MSN: variants seen among roughly 807,000 people sequenced by gnomAD.
The protein encoded by MSN is moesin, also known as epididymis luminal protein 70.
Under a neutral mutation model 48.0 loss-of-function variants are expected in MSN, and 2 were observed. That is an observed-to-expected ratio of 0.04 (90% CI 0.02 to 0.13). The LOEUF (loss-of-function observed/expected upper bound fraction) is 0.13. Ranked by LOEUF, MSN falls within the 10% of genes least tolerant of loss-of-function variation. The pLI is 1.00. For synonymous variants in MSN, 146 were observed against 166.9 expected (o/e 0.87, Z 0.97); for missense variants, 267 against 470.1 (o/e 0.57, Z 3.99).
In MSN at chrX:65,737,482, A is replaced by AG. The variant is rs2071689873; in HGVS notation, c.1251+145dup. The AG allele has an allele frequency of 5.6e-6, 4 of 716,391 alleles. No homozygotes were observed. In the South Asian group the frequency reaches 9.7e-5, roughly 17 times the overall value. 59.0% of individuals were successfully genotyped at this position (716,391 alleles called of 1,213,427 possible). On this transcript the variant is annotated intron_variant, in intron 10 of 12. Coordinates refer to ENST00000360270, the MANE Select transcript of MSN (RefSeq NM_002444.3). ...GCCTCCAGCAAATAACTAGTTCAGA[A>AG]GCAAGCTGAGAAGTCACTAGTGTGG... is the stretch of plus-strand genomic sequence containing the variant.
chrX:65,612,773 C>G (rs1390364521), intron 1 of MSN, among the ~76,000 whole-genome samples: 2 of 107,978 alleles, frequency 1.9e-5, no homozygotes, highest in African/African-American at 6.7e-5. Flanking sequence ...GTTAGCCAGA[C>G]TGGTCTCAAG....
chrX:65,597,371 G>GGGTCTGGCCCTATA (rs1173006877), intron 1 of MSN, among the ~76,000 whole-genome samples: 2 of 107,517 alleles, frequency 1.9e-5, no homozygotes, highest in African/African-American at 6.8e-5. Flanking sequence ...TTTTGAGACA[G>GGGTCTGGCCCTATA]GGTCTGGCCC....
At chrX:65,628,717 C>T (rs189118977) in intron 1 of MSN, among the ~76,000 whole-genome samples, 117 of 110,691 alleles carry the variant, frequency 1.1e-3, no homozygotes, top group African/African-American at 3.6e-3. Flanking sequence ...TTTTTTTCTA[C>T]TGCATCATCA....
intron 1 of MSN, among the ~76,000 whole-genome samples, chrX:65,605,126 T>C (rs1424140554): frequency 8.9e-6 from 1 of 112,435 alleles, no homozygotes; most frequent in Non-Finnish European, 1.9e-5. Flanking sequence ...CCATTTGGTT[T>C]GACCTTTCCG....
intron 5 of MSN, 118 bp downstream of exon 5, chrX:65,731,308 A>G (rs2071620038): frequency 3.3e-6 from 2 of 615,347 alleles, no homozygotes; most frequent in Non-Finnish European, 5.1e-6. Flanking sequence ...AAGAGGGAAC[A>G]GGGACGATAG....
rs2071666105 is a variant in MSN at position 65,735,448 on chromosome X, A to C, written c.959+18A>C. On this transcript the variant is annotated intron_variant, in intron 8 of 12. Transcript: ENST00000360270. ...ATGGAGCGGTAGGTGCTGCACACTG[A>C]TGTGGGGGGCCAGGGCTGGGGCAAG... 5.1e-6 allele frequency: 6 copies of C among 1,187,086 alleles called. No homozygotes were observed. In the East Asian group the frequency reaches 1.5e-4, roughly 30 times the overall value.
At chrX:65,663,172 C>T (rs1227366920), upstream of MSN, among the ~76,000 whole-genome samples, 4 of 109,176 alleles carry the variant, frequency 3.7e-5, no homozygotes, top group African/African-American at 1.3e-4. Context: ...GCAGGAAAAT[C>T]ACTTGAACCC....
intron 1 of MSN, among the ~76,000 whole-genome samples, chrX:65,660,568 CTTT>C (rs1294905291): frequency 2.1e-5 from 2 of 93,720 alleles, no homozygotes; most frequent in Non-Finnish European, 2.2e-5. Context: ...TGTTCCAGTT[CTTT>C]TTTTTTTTTT....
chrX:65,670,293 G>GCGTGT (rs1380428877), intron 1 of MSN, among the ~76,000 whole-genome samples: 1 of 111,972 alleles, frequency 8.9e-6, no homozygotes, highest in Non-Finnish European at 1.9e-5. Flanking sequence ...GCTATTTCTA[G>GCGTGT]CGTGTGACAG....
chrX:65,612,880 T>A (rs749356059), intron 1 of MSN, among the ~76,000 whole-genome samples: 90 of 105,170 alleles, frequency 8.6e-4, no homozygotes, highest in African/African-American at 2.9e-3. Context: ...GGGGGTACGA[T>A]ACAACTTTTT....
chrX:65,707,302 G>A (rs1048452759), intron 1 of MSN, among the ~76,000 whole-genome samples: 1 of 110,877 alleles, frequency 9.0e-6, no homozygotes, highest in East Asian at 2.8e-4. Context: ...GGTGTGGGAA[G>A]CGTCTATGTT....
At chrX:65,729,269 T>C (rs981540228) in intron 3 of MSN, among the ~76,000 whole-genome samples, 169 bp from the exon 4 acceptor site, 7 of 111,576 alleles carry the variant, frequency 6.3e-5, no homozygotes, top group African/African-American at 2.0e-4. Flanking sequence ...TGGGATTCAG[T>C]CCCCAGTGAA....
intron 1 of MSN, among the ~76,000 whole-genome samples, chrX:65,601,181 C>T (rs1457161680): frequency 1.8e-5 from 2 of 111,962 alleles, no homozygotes; most frequent in Admixed American, 1.9e-4. Flanking sequence ...GCTTATACTG[C>T]TCTGACCAAC....
chrX:65,634,909 C>T (rs765536800), intron 1 of MSN, among the ~76,000 whole-genome samples: 11 of 111,283 alleles, frequency 9.9e-5, no homozygotes, highest in Middle Eastern at 4.2e-3. Context: ...CAGTACCCCT[C>T]GGACACTGGA....
At chrX:65,647,212 CTT>C (rs764965063) in intron 1 of MSN, among the ~76,000 whole-genome samples, 14 of 96,542 alleles carry the variant, frequency 1.5e-4, no homozygotes, top group South Asian at 4.6e-4. Context: ...TGCTCTATCT[CTT>C]TTTTTTTTTT....
chrX:65,596,190 T>G lies in MSN; in HGVS notation c.-22+7578T>G, dbSNP rs2070185301. 2.7e-5 allele frequency among the ~76,000 whole-genome samples: 3 copies of G among 111,332 alleles called. No homozygotes were observed. The South Asian group carries it at 1.1e-3, about 42-fold the overall frequency. ...CGGAGCCCAAGGCTGGCTGTAGAAC[T>G]GGGACTGAATGGAAACTGGGGACTC... On this transcript the variant is annotated intron_variant, in intron 1 of 3. Transcript: ENST00000609672.
At chrX:65,629,888 G>A (rs1410054435) in intron 1 of MSN, among the ~76,000 whole-genome samples, 3 of 111,907 alleles carry the variant, frequency 2.7e-5, no homozygotes, top group Non-Finnish European at 5.6e-5. Context: ...CTTTTAAAGT[G>A]TACAATTCAC....
intron 1 of MSN, among the ~76,000 whole-genome samples, chrX:65,713,686 A>G (rs1336894321): frequency 8.9e-6 from 1 of 111,931 alleles, no homozygotes; most frequent in African/African-American, 3.3e-5. Flanking sequence ...AACTCATGTC[A>G]TGGGGGTTCA....
upstream of MSN, among the ~76,000 whole-genome samples, chrX:65,666,419 C>T (rs945811891): frequency 6.4e-5 from 7 of 109,998 alleles, no homozygotes; most frequent in Admixed American, 9.8e-5. Flanking sequence ...CTCCGCCTCC[C>T]GGGTTCAAGC....
Sources: allele counts gnomAD v4.1 joint callset (sites outside exome capture counted in the v4.1 genomes callset), GRCh38; gene constraint gnomAD v4.1.1; transcripts MANE v1.5; gene names NCBI Gene and HGNC (gene_info 2026-07-23, HGNC 2026-07-21).